UBAC2: variants seen among roughly 807,000 people sequenced by gnomAD.
UBAC2 encodes UBA domain containing 2.
In UBAC2, 26 loss-of-function variants were observed where a neutral mutation model predicts 44.0. The observed-to-expected ratio is 0.59, with a 90% CI of 0.43 to 0.82. The LOEUF (loss-of-function observed/expected upper bound fraction) is 0.82. Ranked by LOEUF, UBAC2 falls within the 40% of genes least tolerant of loss-of-function variation. UBAC2 has a pLI of 0.00. For missense variants in UBAC2, 329 were observed against 419.4 expected (o/e 0.78, Z 1.88); for synonymous variants, 155 against 154.3 (o/e 1.00, Z -0.04).
intron 8 of UBAC2, among the ~76,000 whole-genome samples, chr13:99,370,037 G>A (rs2045384225): frequency 6.6e-6 from 1 of 152,154 alleles, no homozygotes; most frequent in African/African-American, 2.4e-5. Flanking sequence ...GAGAAAAAAT[G>A]TCTGATGAAA....
intron 7 of UBAC2, among the ~76,000 whole-genome samples, chr13:99,355,316 A>T (rs1330989331): frequency 1.3e-5 from 2 of 152,260 alleles, no homozygotes. Context: ...AGAAATGGAT[A>T]ATCCACACTC....
rs2142740952 is a variant in UBAC2 at position 99,244,431 on chromosome 13, C to T, written c.280-84C>T. On this transcript the variant is annotated intron_variant, in intron 3 of 8. Coordinates refer to ENST00000403766, the MANE Select transcript of UBAC2 (RefSeq NM_001144072.2). Reference sequence around the variant, plus strand: ...CACACACATACATATGAATACACACCTCTGAGCTGATTCTAGCTGAATAAA... The same window carrying T: ...CACACACATACATATGAATACACACTTCTGAGCTGATTCTAGCTGAATAAA... 10 of 878,046 alleles carry T rather than the reference C, an allele frequency of 1.1e-5. No homozygotes were observed. The South Asian group carries it at 1.3e-4, about 11-fold the overall frequency. The allele number at this position is 878,046 out of a possible 1,614,324, so 54.4% of individuals were successfully genotyped here.
intron 2 of UBAC2, among the ~76,000 whole-genome samples, chr13:99,241,811 A>G (rs560057755): frequency 1.4e-5 from 2 of 147,980 alleles, no homozygotes; most frequent in South Asian, 4.4e-4. Context: ...GTCATAGGAC[A>G]ATAGTGGAGG....
At chr13:99,204,943 C>T (rs575652878) in intron 1 of UBAC2, among the ~76,000 whole-genome samples, 40 of 134,548 alleles carry the variant, frequency 3.0e-4, no homozygotes, top group Non-Finnish European at 2.7e-4. Context: ...CTTGCTCTGT[C>T]GCCAGGCTGG....
intron 4 of UBAC2, among the ~76,000 whole-genome samples, chr13:99,252,740 T>C (rs1232932769): frequency 1.3e-5 from 2 of 152,216 alleles, no homozygotes; most frequent in Admixed American, 1.3e-4. Context: ...TTGGTTATAA[T>C]GCTAAGTAAA....
rs1412137052 is a variant in UBAC2, at chr13:99,295,213, T to A, written c.390-18884T>A. Reference sequence around the variant, plus strand: ...TAACCTTTCTCTTATACCCTTTACATGCAAAGAAGTAGATAAAAGGGTCCA... The same window carrying A: ...TAACCTTTCTCTTATACCCTTTACAAGCAAAGAAGTAGATAAAAGGGTCCA... On this transcript the variant is annotated intron_variant, in intron 4 of 8. Transcript: ENST00000403766. The surrounding 1 kb of genome is among the most constrained non-coding windows in gnomAD (Gnocchi z 4.1). The A allele has an allele frequency of 6.2e-7, 1 of 1,613,990 alleles. No homozygotes were observed. The highest frequency in any genetic ancestry group is 8.5e-7 in the Non-Finnish European group (1 of 1,180,010).
chr13:99,299,078 T>C (rs527795953), intron 4 of UBAC2, among the ~76,000 whole-genome samples: 1 of 152,284 alleles, frequency 6.6e-6, no homozygotes, highest in East Asian at 1.9e-4. Context: ...ATTATTATTG[T>C]AGAAATTAGG....
At chr13:99,324,987 T>C (rs2044618509) in intron 6 of UBAC2, among the ~76,000 whole-genome samples, 1 of 152,148 alleles carries the variant, frequency 6.6e-6, no homozygotes, top group South Asian at 2.1e-4. Flanking sequence ...TCTCAGAATG[T>C]GTCCTTATCA....
intron 7 of UBAC2, among the ~76,000 whole-genome samples, chr13:99,359,783 C>T (rs533559475): frequency 5.3e-5 from 8 of 152,326 alleles, no homozygotes; most frequent in African/African-American, 1.2e-4. Flanking sequence ...GCCTCGCCTC[C>T]CGTGTGCCCA....
chr13:99,236,054 C>T (rs1429105151), intron 1 of UBAC2, among the ~76,000 whole-genome samples: 3 of 152,066 alleles, frequency 2.0e-5, no homozygotes, highest in African/African-American at 7.2e-5. Flanking sequence ...AAAATCAAAT[C>T]GAAATGGATT....
chr13:99,386,375 A>C lies in UBAC2; in HGVS notation c.*1040A>C, dbSNP rs543540254. ...CTGCAAAATGAGCAACGATGTATCA[A>C]ATTGATGCAAATTTAGATGTTGATA... On this transcript the variant is annotated 3_prime_UTR_variant, in exon 9 of 9. Coordinates refer to ENST00000403766, the MANE Select transcript of UBAC2 (RefSeq NM_001144072.2). 1 of 152,274 alleles carries C rather than the reference A, an allele frequency of 6.6e-6. No homozygotes were observed. Among genetic ancestry groups the C allele is most frequent in the Admixed American group, 6.5e-5 (1 of 15,284 alleles). The allele number at this position is 152,274 out of a possible 1,614,324, so 9.4% of individuals were successfully genotyped here. A position where few individuals can be genotyped will look rare whatever the true frequency, so the allele number is the denominator to read the frequency against.
At chr13:99,241,009 C>T (rs955882575) in intron 2 of UBAC2, among the ~76,000 whole-genome samples, 1 of 152,150 alleles carries the variant, frequency 6.6e-6, no homozygotes, top group African/African-American at 2.4e-5. Flanking sequence ...CCTGTCATTT[C>T]AGCACCTTGG....
At chr13:99,354,481 C>T (rs2390241) in intron 7 of UBAC2, among the ~76,000 whole-genome samples, 1 of 152,182 alleles carries the variant, frequency 6.6e-6, no homozygotes, top group African/African-American at 2.4e-5. Context: ...CACTTGGCGG[C>T]TTGGCTGAGT....
chr13:99,205,153 C>T (rs1325228809), intron 1 of UBAC2, among the ~76,000 whole-genome samples: 5 of 152,182 alleles, frequency 3.3e-5, no homozygotes, highest in Non-Finnish European at 5.9e-5. Flanking sequence ...CCGCCCGCCT[C>T]GGCCTCCCAG....
chr13:99,221,535 G>A (rs1371992369), intron 1 of UBAC2, among the ~76,000 whole-genome samples: 1 of 152,162 alleles, frequency 6.6e-6, no homozygotes, highest in African/African-American at 2.4e-5. Flanking sequence ...AGTGTACTCA[G>A]CCTCACCTTT....
intron 8 of UBAC2, among the ~76,000 whole-genome samples, chr13:99,375,502 T>C (rs2045467877): frequency 6.6e-6 from 1 of 152,002 alleles, no homozygotes; most frequent in South Asian, 2.1e-4. Context: ...CTGCACCCAG[T>C]GTGAGCTCAG....
intron 6 of UBAC2, among the ~76,000 whole-genome samples, chr13:99,334,811 C>G (rs61970335): frequency 0.031 from 4,642 of 152,144 alleles, 96 homozygotes; most frequent in Middle Eastern, 0.13. Context: ...AATAGCTAAA[C>G]ACTCCAATCA....
In UBAC2 at chr13:99,310,087, AAGGCTG is replaced by A. The variant is rs543381057; in HGVS notation, c.390-4005_390-4000del. Among the ~76,000 whole-genome samples the A allele has an allele frequency of 3.1e-3, 473 of 152,348 alleles. 2 individuals carry two copies. Among genetic ancestry groups the A allele is most frequent in the Admixed American group, 5.7e-3 (87 of 15,304 alleles). The stretch of plus-strand genomic sequence containing the variant: ...CACGCCTGTAATCTCAGCAATTCAG[AAGGCTG>A]AGGCAGGAGGATTGCCTGATGCCAG... On this transcript the variant is annotated intron_variant, in intron 4 of 8. Transcript: ENST00000403766.
At chr13:99,384,331 CA>C (rs35123648) in intron 8 of UBAC2, among the ~76,000 whole-genome samples, 45,801 of 151,784 alleles carry the variant, frequency 0.3, 7,172 homozygotes, top group Middle Eastern at 0.45. Flanking sequence ...AATATAAGTA[CA>C]AAAAAAATGT....
Sources: gnomAD v4.1 joint callset for allele counts (sites outside exome capture counted in the v4.1 genomes callset) on GRCh38, gnomAD v4.1.1 for gene constraint, Gnocchi (gnomAD v3.1) non-coding constraint, MANE v1.5 for transcripts, NCBI Gene and HGNC (gene_info 2026-07-23, HGNC 2026-07-21) for gene names.